ABL2: variants seen among roughly 807,000 people sequenced by gnomAD.
The protein encoded by ABL2 is ABL proto-oncogene 2, non-receptor tyrosine kinase.
Under a neutral mutation model 107.7 loss-of-function variants are expected in ABL2, and 49 were observed. That is an observed-to-expected ratio of 0.45 (90% CI 0.36 to 0.58). The LOEUF is 0.58. Among genes scored for constraint, ABL2 ranks in the 20% least tolerant of loss-of-function variants. The probability of loss-of-function intolerance (pLI) is 0.00; values close to 1 mark genes in which losing one functional copy is unlikely to be tolerated. For missense variants in ABL2, 1,245 were observed against 1,457.0 expected (o/e 0.85, Z 2.37); for synonymous variants, 549 against 548.6 (o/e 1.00, Z -0.01).
chr1:179,140,053 C>T (rs1275348391), intron 1 of ABL2, among the ~76,000 whole-genome samples: 2 of 152,286 alleles, frequency 1.3e-5, no homozygotes, highest in Non-Finnish European at 2.9e-5. Flanking sequence ...TCTCAACATA[C>T]CAGCCATCTT....
chr1:179,173,190 CAA>C (rs35126707), intron 1 of ABL2, among the ~76,000 whole-genome samples: 3 of 104,306 alleles, frequency 2.9e-5, no homozygotes, highest in Non-Finnish European at 5.7e-5. Flanking sequence ...AACTCGGCCT[CAA>C]AAAAAAAAAA....
Position 179,108,077 on chromosome 1 carries a change from C to A in ABL2, c.3190G>T (p.Gly1064Cys). 1 of 1,614,244 alleles carries A rather than the reference C, an allele frequency of 6.2e-7. No homozygotes were observed. The highest frequency in any genetic ancestry group is 1.3e-5 in the African/African-American group (1 of 75,062). ...SPAKMANGTA[G>C]TKVALRKTKQ... is the part of the protein sequence containing the mutation. The stretch of plus-strand genomic sequence containing the variant: ...GTTTTTCTCAGAGCCACTTTAGTAC[C>A]TGCTGTGCCATTGGCCATTTTGGCT... The change falls in exon 12 of 12, where the codon GGT becomes TGT. Residue 1064 changes from glycine (G) to cysteine (C), a missense_variant. Around this residue, in one of 3 missense-constraint regions of ABL2, gnomAD observed 761 missense variants for 766.4 expected, o/e 0.99. Transcript: ENST00000502732.
intron 1 of ABL2, among the ~76,000 whole-genome samples, chr1:179,223,195 C>T (rs954936613): frequency 5.3e-5 from 8 of 150,712 alleles, no homozygotes; most frequent in Admixed American, 5.3e-4. Flanking sequence ...GGGAGAATCA[C>T]TTGAGCCTAG....
chr1:179,100,803 G>C lies in ABL2; in HGVS notation c.*6915C>G, dbSNP rs1653029986. ...CCAAATATGGTGTGGTCTGAGGACA[G>C]TGCTGTGCCTGGCCTTTCCCCTTCA... On this transcript the variant is annotated 3_prime_UTR_variant, in exon 12 of 12. Coordinates refer to ENST00000502732, the MANE Select transcript of ABL2 (RefSeq NM_007314.4). 1 of 232,260 alleles carries C rather than the reference G, an allele frequency of 4.3e-6. No individual in the cohort carries two copies. The highest frequency in any genetic ancestry group is 1.8e-4 in the South Asian group (1 of 5,530). 14.4% of individuals were successfully genotyped at this position (232,260 alleles called of 1,614,324 possible). A position where few individuals can be genotyped will look rare whatever the true frequency, so the allele number is the denominator to read the frequency against.
Position 179,102,307 on chromosome 1 carries a change from G to A in ABL2, c.*5411C>T, listed in dbSNP as rs905803420. The stretch of plus-strand genomic sequence containing the variant: ...ATTACAGGCGTGAGCCACCGCACCC[G>A]GCCAGAATTTCTTTAAGTCTAGTAG... On this transcript the variant is annotated 3_prime_UTR_variant, in exon 12 of 12. Transcript: ENST00000502732. 5.8e-5 allele frequency: 11 copies of A among 188,566 alleles called. No homozygotes were observed. Among genetic ancestry groups the A allele is most frequent in the East Asian group, 1.7e-4 (2 of 11,860 alleles). The allele number at this position is 188,566 out of a possible 1,614,324, so 11.7% of individuals were successfully genotyped here. A position where few individuals can be genotyped will look rare whatever the true frequency, so the allele number is the denominator to read the frequency against.
At chr1:179,127,572 C>T (rs1447667154) in intron 3 of ABL2, among the ~76,000 whole-genome samples, 1 of 152,036 alleles carries the variant, frequency 6.6e-6, no homozygotes, top group African/African-American at 2.4e-5. Context: ...GTTTCTTTGA[C>T]AAAACAGAAA....
chr1:179,116,058 GTA>G (rs1654590148), intron 8 of ABL2, among the ~76,000 whole-genome samples: 1 of 151,998 alleles, frequency 6.6e-6, no homozygotes, highest in Non-Finnish European at 1.5e-5. Flanking sequence ...CTGTGTCACA[GTA>G]CTCTGCAAAT....
chr1:179,197,669 G>T (rs1443621810), intron 1 of ABL2, among the ~76,000 whole-genome samples: 1 of 151,848 alleles, frequency 6.6e-6, no homozygotes, highest in Admixed American at 6.6e-5. Context: ...AGGAGTTTGA[G>T]ACTACCTTGA....
chr1:179,197,131 T>G (rs997285110), intron 1 of ABL2, among the ~76,000 whole-genome samples: 2 of 152,094 alleles, frequency 1.3e-5, no homozygotes, highest in Non-Finnish European at 2.9e-5. Flanking sequence ...GAGGCAATAT[T>G]TGAAGATATA....
At chr1:179,116,059 T>C (rs1654589817) in intron 8 of ABL2, among the ~76,000 whole-genome samples, 1 of 150,946 alleles carries the variant, frequency 6.6e-6, no homozygotes, top group African/African-American at 2.4e-5. Flanking sequence ...TGTGTCACAG[T>C]ACTCTGCAAA....
At chr1:179,137,833 A>C (rs903870366) in intron 1 of ABL2, 22 of 152,352 alleles carry the variant, frequency 1.4e-4, no homozygotes, top group African/African-American at 5.1e-4. Flanking sequence ...AGTGGACATA[A>C]GGGGCGCCAC....
chr1:179,114,566 T>C (rs1455804674), intron 9 of ABL2, among the ~76,000 whole-genome samples: 2 of 152,220 alleles, frequency 1.3e-5, no homozygotes, highest in Non-Finnish European at 2.9e-5. Flanking sequence ...TCATAGTCTT[T>C]AGCAATCATT....
intron 1 of ABL2, among the ~76,000 whole-genome samples, chr1:179,226,458 GCCA>G (rs1160915126): frequency 6.6e-6 from 1 of 151,788 alleles, no homozygotes; most frequent in Non-Finnish European, 1.5e-5. Context: ...ACAGGCGCGT[GCCA>G]CCATGCCCAG....
chr1:179,119,542 A>AC (rs1341464154), intron 6 of ABL2, among the ~76,000 whole-genome samples: 15 of 119,810 alleles, frequency 1.3e-4, no homozygotes, highest in Non-Finnish European at 2.0e-4. Flanking sequence ...CACCCCCCAC[A>AC]CCCCCCCAAA....
chr1:179,159,554 CT>C (rs1214059604), intron 1 of ABL2, among the ~76,000 whole-genome samples: 10 of 152,214 alleles, frequency 6.6e-5, no homozygotes, highest in Admixed American at 6.5e-4. Flanking sequence ...TAGCCTGTCA[CT>C]TCAAAATGTG....
At chr1:179,208,324 C>T (rs28991598) in intron 1 of ABL2, among the ~76,000 whole-genome samples, 1 of 151,578 alleles carries the variant, frequency 6.6e-6, no homozygotes, top group East Asian at 1.9e-4. Context: ...TCTAATAGTT[C>T]CCAGTGTCTA....
chr1:179,148,531 T>C (rs76516994), intron 1 of ABL2, among the ~76,000 whole-genome samples: 2,441 of 152,330 alleles, frequency 0.016, 66 homozygotes, highest in African/African-American at 0.055. Flanking sequence ...AAATTAATCA[T>C]GACCACTCCA....
chr1:179,192,361 T>TTTTG (rs755656447), intron 1 of ABL2, among the ~76,000 whole-genome samples: 4 of 152,236 alleles, frequency 2.6e-5, no homozygotes, highest in Non-Finnish European at 5.9e-5. Context: ...AAATGTGGAA[T>TTTTG]GTCAAACCCT....
At chr1:179,225,035 C>T (rs1663115797) in intron 1 of ABL2, among the ~76,000 whole-genome samples, 1 of 151,960 alleles carries the variant, frequency 6.6e-6, no homozygotes, top group Admixed American at 6.6e-5. Flanking sequence ...TAAAATAAAA[C>T]ATAAAATAAA....
Sources: gnomAD v4.1 joint callset for allele counts (sites outside exome capture counted in the v4.1 genomes callset) on GRCh38, gnomAD v4.1.1 for gene constraint, gnomAD v4.1.1 regional missense constraint, MANE v1.5 for transcripts, NCBI Gene and HGNC (gene_info 2026-07-23, HGNC 2026-07-21) for gene names.